MYO7B: variants seen among roughly 807,000 people sequenced by gnomAD.
MYO7B encodes the protein unconventional myosin-VIIb.
Under a neutral mutation model 259.7 loss-of-function variants are expected in MYO7B, and 212 were observed. The ratio of observed to expected loss-of-function variants is 0.82; its 90% confidence interval spans 0.73 to 0.91. MYO7B has a LOEUF of 0.91. MYO7B is among the 40% of genes least tolerant of loss of function. MYO7B has a pLI of 0.00. For synonymous variants in MYO7B, 1,197 were observed against 1,166.4 expected (o/e 1.03, Z -0.54); for missense variants, 2,732 against 2,813.5 (o/e 0.97, Z 0.66).
In MYO7B at chr2:127,637,445, C is replaced by T. The variant is rs761115023; in HGVS notation, c.*28C>T. 28 of 1,459,308 alleles carry T rather than the reference C, an allele frequency of 1.9e-5. No individual in the cohort carries two copies. In the Admixed American group the frequency reaches 4.3e-4, roughly 22 times the overall value. 90.4% of individuals were successfully genotyped at this position (1,459,308 alleles called of 1,614,324 possible). On this transcript the variant is annotated 3_prime_UTR_variant, in exon 48 of 48. Coordinates refer to ENST00000409816, the MANE Select transcript of MYO7B (RefSeq NM_001393586.1). ...GCGGATGCTGGCGTGTCTGCTCAGGCGCCCTTCCCGACCTCTAGCCTGGCG... is the reference window on the plus strand; with the variant it reads ...GCGGATGCTGGCGTGTCTGCTCAGGTGCCCTTCCCGACCTCTAGCCTGGCG...
chr2:127,627,559 G>A lies in MYO7B; in HGVS notation c.4460+249G>A. The A allele has an allele frequency of 3.2e-6, 2 of 620,192 alleles. No individual in the cohort carries two copies. The highest frequency in any genetic ancestry group is 2.1e-5 in the Admixed American group (1 of 46,938). The allele number at this position is 620,192 out of a possible 1,614,324, so 38.4% of individuals were successfully genotyped here. A position where few individuals can be genotyped will look rare whatever the true frequency, so the allele number is the denominator to read the frequency against. The stretch of plus-strand genomic sequence containing the variant: ...ACTGGCAGCTTCTCTTTGAAACCCA[G>A]GTCCACCCGGAAGGGGCAGGGAAGC... On this transcript the variant is annotated intron_variant, in intron 33 of 47. Transcript: ENST00000409816. The surrounding 1 kb of genome is among the most constrained non-coding windows in gnomAD (Gnocchi z 5.6).
intron 30 of MYO7B, 71 bp from the exon 31 acceptor site, chr2:127,625,296 CA>C: frequency 7.0e-7 from 1 of 1,434,000 alleles, no homozygotes; most frequent in Non-Finnish European, 9.2e-7. Flanking sequence ...GGCCACGGGA[CA>C]GGGGCATCCT....
chr2:127,634,479 A>G, intron 41 of MYO7B, 117 bp from the exon 42 acceptor site: 1 of 969,594 alleles, frequency 1.0e-6, no homozygotes, highest in Non-Finnish European at 1.6e-6. Flanking sequence ...GCCCACGCAC[A>G]GCCGACTCCA....
rs1355308065 is a variant in MYO7B, at chr2:127,597,320, A to C, written c.2339+764A>C. ...TGTTTTGAGATTACTGTAGATTTAC[A>C]TGCAGTTGTAAGAAACAATACAGAG... is the stretch of plus-strand genomic sequence containing the variant. On this transcript the variant is annotated intron_variant, in intron 19 of 47. Coordinates refer to ENST00000409816, the MANE Select transcript of MYO7B (RefSeq NM_001393586.1). The surrounding 1 kb of genome is among the most constrained non-coding windows in gnomAD (Gnocchi z 4.8). Among the ~76,000 whole-genome samples, 3 of 152,242 alleles carry C rather than the reference A, an allele frequency of 2.0e-5. No homozygotes were observed. The highest frequency in any genetic ancestry group is 2.9e-5 in the Non-Finnish European group (2 of 68,048).
intron 38 of MYO7B, 48 bp from the exon 39 acceptor site, chr2:127,632,198 C>T (rs1268495563): frequency 2.5e-6 from 4 of 1,579,314 alleles, no homozygotes; most frequent in African/African-American, 1.3e-5. Context: ...CCTGCCTGGC[C>T]AGGGCCCCCT....
Position 127,609,711 on chromosome 2 carries a change from G to A in MYO7B, c.3020G>A (p.Cys1007Tyr), listed in dbSNP as rs542871598. Reference sequence around the variant, plus strand: ...CTTTACCACGAAGATGACACTGACTGCTTGGTACCAGGGTTCACTGGCTTC... The same window carrying A: ...CTTTACCACGAAGATGACACTGACTACTTGGTACCAGGGTTCACTGGCTTC... ...PLLYHEDDTD[C>Y]LAALVIWNVI... Residue 1007 changes from cysteine (C) to tyrosine (Y), a missense_variant, in exon 23 of 48, where the codon TGC becomes TAC. Cys to Tyr is a radical substitution (Grantham distance 194). Coordinates refer to ENST00000409816, the MANE Select transcript of MYO7B (RefSeq NM_001393586.1). The surrounding 1 kb of genome is among the most constrained non-coding windows in gnomAD (Gnocchi z 6.9). 1 of 1,613,966 alleles carries A rather than the reference G, an allele frequency of 6.2e-7. No homozygotes were observed. The highest frequency in any genetic ancestry group is 1.1e-5 in the South Asian group (1 of 91,070).
chr2:127,625,923 C>T, intron 31 of MYO7B: 1 of 205,902 alleles, frequency 4.9e-6, no homozygotes, highest in Non-Finnish European at 9.7e-6. Flanking sequence ...TCGCTGGGTG[C>T]ATGGGAACCC....
At chr2:127,580,990 C>T (rs1394787565) in intron 10 of MYO7B, among the ~76,000 whole-genome samples, 168 bp downstream of exon 10, 2 of 152,190 alleles carry the variant, frequency 1.3e-5, no homozygotes, top group African/African-American at 4.8e-5. Context: ...TGAGGGTGGG[C>T]GCAGAGTGGG....
chr2:127,637,257 C>A, intron 47 of MYO7B, 59 bp from the exon 48 acceptor site: 1 of 1,330,116 alleles, frequency 7.5e-7, no homozygotes, highest in Non-Finnish European at 1.1e-6. Context: ...GTCCCTGAGT[C>A]CAGGACCCCC....
chr2:127,632,253 G>A lies in MYO7B; in HGVS notation c.5257G>A (p.Glu1753Lys), dbSNP rs778564583. 2.1e-5 allele frequency: 34 copies of A among 1,611,730 alleles called. No individual in the cohort carries two copies. Among genetic ancestry groups the A allele is most frequent in the Non-Finnish European group, 2.4e-5 (28 of 1,179,498 alleles). ...ACAAGTGCTACCCTTCAGGCACAGC[G>A]AAGAGCGGGGCTGGCAGCTGCTGTG... ...QLTHNSNRHS[E>K]ERGWQLLWLC... Residue 1753 changes from glutamate (E) to lysine (K), a missense_variant, in exon 39 of 48, where the codon GAA becomes AAA. By Grantham distance (56) the Glu-to-Lys change is moderately conservative (BLOSUM62 1). Transcript: ENST00000409816.
chr2:127,560,637 A>G (rs1161558327), intron 2 of MYO7B, among the ~76,000 whole-genome samples: 1 of 152,162 alleles, frequency 6.6e-6, no homozygotes, highest in Non-Finnish European at 1.5e-5. Flanking sequence ...TGGAGAGCTC[A>G]GAGGCTGGTG....
rs1230649453 is a variant in MYO7B, at chr2:127,607,478, G to A, written c.2643+54G>A. 1.2e-5 allele frequency: 18 copies of A among 1,490,022 alleles called. No homozygotes were observed. The East Asian group carries it at 2.2e-4, about 18-fold the overall frequency. 92.3% of individuals were successfully genotyped at this position (1,490,022 alleles called of 1,614,324 possible). On this transcript the variant is annotated intron_variant, in intron 21 of 47. Transcript: ENST00000409816. The surrounding 1 kb of genome is among the most constrained non-coding windows in gnomAD (Gnocchi z 4.4). ...GTGGGGCTGGCTGGGGCCCCAGTGG[G>A]TGAGGGCAAGAAGGAGTGAGCGGCT...
In MYO7B at chr2:127,608,868, C is replaced by A. The variant is rs779515853; in HGVS notation, c.2804C>A (p.Pro935Gln). The A allele has an allele frequency of 6.2e-7, 1 of 1,612,122 alleles. No individual in the cohort carries two copies. Among genetic ancestry groups the A allele is most frequent in the Non-Finnish European group, 8.5e-7 (1 of 1,179,342 alleles). Reference protein sequence around the residue: ...MIGGQEGQASPHFEDLESKTQ... With the variant: ...MIGGQEGQASQHFEDLESKTQ... ...GGGGGCCAGGAGGGCCAGGCCTCGC[C>A]GCACTTTGAGGTAACACAAGCCTGG... The change falls in exon 22 of 48, where the codon CCG (proline) becomes CAG (glutamine). Residue 935 changes from proline (P) to glutamine (Q), a missense_variant. Around this residue, in one of 3 missense-constraint regions of MYO7B, gnomAD observed 1,906 missense variants for 2,026.4 expected, o/e 0.94. Coordinates refer to ENST00000409816, the MANE Select transcript of MYO7B (RefSeq NM_001393586.1).
In MYO7B at chr2:127,626,980, A is replaced by G. The variant is rs372388025; in HGVS notation, c.4221A>G (p.Pro1407=). The G allele has an allele frequency of 6.2e-5, 100 of 1,610,814 alleles. No individual in the cohort carries two copies. Among genetic ancestry groups the G allele is most frequent in the Non-Finnish European group, 8.4e-5 (99 of 1,178,828 alleles). ...CATCCAGGATCCCCCCTCAGGCCCC[A>G]TACACTCAGAAGCAAGTCACACCAC... is the stretch of plus-strand genomic sequence containing the variant. ...SLVTAACAKA[P]YTQKQVTPLA... is the part of the protein sequence containing the mutation. The change falls in exon 32 of 48, where the codon CCA becomes CCG. Residue 1407 remains proline (P), a synonymous_variant. Coordinates refer to ENST00000409816, the MANE Select transcript of MYO7B (RefSeq NM_001393586.1).
At chr2:127,618,890 G>A (rs1010857152) in intron 26 of MYO7B, among the ~76,000 whole-genome samples, 1 of 152,262 alleles carries the variant, frequency 6.6e-6, no homozygotes, top group African/African-American at 2.4e-5. Context: ...TCCAGAGAGA[G>A]CTGATGAGGA....
intron 1 of MYO7B, among the ~76,000 whole-genome samples, chr2:127,544,816 G>A (rs1323081264): frequency 6.6e-5 from 10 of 151,556 alleles, no homozygotes; most frequent in Middle Eastern, 3.4e-3. Flanking sequence ...TCCTGACCTC[G>A]TGATCCACCC....
chr2:127,549,163 CCTTTCTTT>C (rs71841221), intron 1 of MYO7B, among the ~76,000 whole-genome samples: 1,544 of 53,864 alleles, frequency 0.029, 20 homozygotes, highest in African/African-American at 0.075. Context: ...TTCCTTCCTT[CCTTTCTTT>C]CTTTCTTTCT....
At chr2:127,549,421 G>A (rs76580265) in intron 1 of MYO7B, among the ~76,000 whole-genome samples, 1 of 152,196 alleles carries the variant, frequency 6.6e-6, no homozygotes, top group Non-Finnish European at 1.5e-5. Context: ...CACCCAGGTA[G>A]TGAGCGTGGC....
intron 2 of MYO7B, among the ~76,000 whole-genome samples, chr2:127,561,635 G>A (rs1342287843): frequency 1.3e-5 from 2 of 152,190 alleles, no homozygotes; most frequent in African/African-American, 4.8e-5. Flanking sequence ...CCCTGCCATA[G>A]GGCATTCCAT....
Sources: allele counts gnomAD v4.1 joint callset (sites outside exome capture counted in the v4.1 genomes callset), GRCh38; gene constraint gnomAD v4.1.1; regional missense constraint gnomAD v4.1.1; non-coding constraint Gnocchi (gnomAD v3.1); transcripts MANE v1.5; gene names NCBI Gene and HGNC (gene_info 2026-07-23, HGNC 2026-07-21).